ART3: variants seen among roughly 807,000 people sequenced by gnomAD.
ART3 encodes ADP-ribosyltransferase 3 (inactive).
Under a neutral mutation model 48.5 loss-of-function variants are expected in ART3, and 49 were observed. The observed-to-expected ratio is 1.01, with a 90% CI of 0.80 to 1.28. The LOEUF (loss-of-function observed/expected upper bound fraction) is 1.28, where lower values mean the gene tolerates loss of function less well. ART3 is among the 50% of genes most tolerant of loss of function. ART3 has a pLI of 0.00. For synonymous variants in ART3, 145 were observed against 157.2 expected, an observed-to-expected ratio of 0.92 and a Z score of 0.58; for missense variants, 438 against 454.3, an observed-to-expected ratio of 0.96 and a Z score of 0.33.
At chr4:76,023,396 G>A (rs377744455) in intron 1 of ART3, 1 of 1,613,850 alleles carries the variant, frequency 6.2e-7, no homozygotes, top group Non-Finnish European at 8.5e-7. Context: ...GAGTCAGAAA[G>A]ATAAGGCAGC....
At chr4:76,084,050 T>C (rs1028791480) in intron 3 of ART3, among the ~76,000 whole-genome samples, 1 of 152,160 alleles carries the variant, frequency 6.6e-6, no homozygotes, top group African/African-American at 2.4e-5. Context: ...TATGATTTTT[T>C]TGTTTGTTTC....
intron 1 of ART3, chr4:76,023,381 A>G: frequency 6.2e-7 from 1 of 1,613,248 alleles, no homozygotes; most frequent in Non-Finnish European, 8.5e-7. Flanking sequence ...CTTGAATGCC[A>G]CTTAGAGTCA....
At chr4:76,033,062 A>G (rs999477423) in intron 1 of ART3, among the ~76,000 whole-genome samples, 5 of 152,092 alleles carry the variant, frequency 3.3e-5, no homozygotes, top group Non-Finnish European at 7.4e-5. Context: ...TTATTTTTCA[A>G]ATGTATGGGT....
At position 76,078,847 on chromosome 4, in the gene ART3, G is replaced by A. The variant is rs147980616; in HGVS notation, c.69+2889G>A. ...TGTAATCCCAGCACTTTGGGAGGCC[G>A]AGAAAGGCAGATCACGAGGTCGGGA... On this transcript the variant is annotated intron_variant, in intron 2 of 11. Transcript: ENST00000355810. Among the ~76,000 whole-genome samples, 1,274 of 152,286 alleles carry A rather than the reference G, an allele frequency of 8.4e-3. 17 individuals carry two copies. Among genetic ancestry groups the A allele is most frequent in the East Asian group, 0.059 (304 of 5,174 alleles).
At chr4:76,108,926 A>C (rs2109805349) in intron 11 of ART3, among the ~76,000 whole-genome samples, 1 of 152,312 alleles carries the variant, frequency 6.6e-6, no homozygotes. Flanking sequence ...AAAATGGTAC[A>C]GGTGTATAGG....
intron 3 of ART3, among the ~76,000 whole-genome samples, chr4:76,092,326 G>C (rs542871672): frequency 3.7e-4 from 56 of 152,252 alleles, no homozygotes; most frequent in African/African-American, 1.3e-3. Context: ...TCTTTCGTCA[G>C]ATTTACCTTT....
rs953162749 is a variant in ART3, at chr4:76,090,801, A to G, written c.782-6843A>G. ...ATAAAGTAAAATTTAGTAAGTTTTG[A>G]TATATGTATATGCCAATGAAATCAT... On this transcript the variant is annotated intron_variant, in intron 3 of 11. Transcript: ENST00000355810. Among the ~76,000 whole-genome samples, 5 of 152,222 alleles carry G rather than the reference A, an allele frequency of 3.3e-5. No homozygotes were observed. In the East Asian group the frequency reaches 9.6e-4, roughly 29 times the overall value.
chr4:76,079,940 AG>A, intron 2 of ART3, among the ~76,000 whole-genome samples: 1 of 152,050 alleles, frequency 6.6e-6, no homozygotes, highest in African/African-American at 2.4e-5. Context: ...ACAGAGAGAG[AG>A]AGAGAGAGAG....
intron 1 of ART3, among the ~76,000 whole-genome samples, chr4:76,031,301 G>A (rs775286213): frequency 1.3e-5 from 2 of 151,932 alleles, no homozygotes; most frequent in African/African-American, 2.4e-5. Context: ...GTAAATGTAC[G>A]TAAAATAAAG....
intron 3 of ART3, among the ~76,000 whole-genome samples, chr4:76,090,941 A>C (rs951190218): frequency 1.2e-4 from 19 of 152,134 alleles, no homozygotes; most frequent in African/African-American, 3.9e-4. Context: ...GGCATCTACT[A>C]ATGTACTTGC....
At chr4:76,076,341 T>TTAC (rs533636397) in intron 2 of ART3, among the ~76,000 whole-genome samples, 1,824 of 152,290 alleles carry the variant, frequency 0.012, 21 homozygotes, top group South Asian at 0.021. Context: ...ACCTGAGGCA[T>TTAC]CTGTGTGGCT....
chr4:76,045,251 G>A (rs1247066264), intron 1 of ART3, among the ~76,000 whole-genome samples: 2 of 152,044 alleles, frequency 1.3e-5, no homozygotes, highest in African/African-American at 4.8e-5. Context: ...ACTATAATTT[G>A]TTGGCAGTCA....
intron 3 of ART3, among the ~76,000 whole-genome samples, chr4:76,096,053 G>C (rs1447216783): frequency 6.6e-6 from 1 of 152,074 alleles, no homozygotes; most frequent in Non-Finnish European, 1.5e-5. Context: ...CTCCCGACTA[G>C]CTGGGATTAT....
At chr4:76,094,737 AAC>A (rs1725633063) in intron 3 of ART3, among the ~76,000 whole-genome samples, 1 of 152,168 alleles carries the variant, frequency 6.6e-6, no homozygotes, top group Admixed American at 6.5e-5. Context: ...GTAGTTTTCT[AAC>A]ACATATAATC....
rs938517572 is a variant in ART3, at chr4:76,105,576, G to A, written c.1003+947G>A. ...CCTGGTAATATATTCTTTATTGGGG[G>A]TGGAGGCACCATGGATTCTAAGTCC... On this transcript the variant is annotated intron_variant, in intron 10 of 11. Transcript: ENST00000355810. 3.9e-6 allele frequency: 5 copies of A among 1,286,896 alleles called. No homozygotes were observed. In the African/African-American group the frequency reaches 4.6e-5, roughly 12 times the overall value. The allele number at this position is 1,286,896 out of a possible 1,614,324, so 79.7% of individuals were successfully genotyped here. A position where few individuals can be genotyped will look rare whatever the true frequency, so the allele number is the denominator to read the frequency against.
At chr4:76,036,835 C>A in intron 1 of ART3, 1 of 242,118 alleles carries the variant, frequency 4.1e-6, no homozygotes, top group Non-Finnish European at 8.7e-6. Flanking sequence ...GATGTTTGTC[C>A]CTACCCTTTT....
chr4:76,017,277 C>T (rs1465813569), intron 1 of ART3, among the ~76,000 whole-genome samples: 1 of 151,982 alleles, frequency 6.6e-6, no homozygotes, highest in Non-Finnish European at 1.5e-5. Context: ...AAGGGCTCTT[C>T]AGTCAGCAGG....
intron 1 of ART3, among the ~76,000 whole-genome samples, chr4:76,042,249 T>A (rs1041897054): frequency 6.6e-6 from 1 of 152,190 alleles, no homozygotes; most frequent in Non-Finnish European, 1.5e-5. Context: ...AAAAATAATT[T>A]CCAACTCACC....
At chr4:76,023,234 G>T in intron 1 of ART3, 1 of 680,180 alleles carries the variant, frequency 1.5e-6, no homozygotes, top group Non-Finnish European at 2.5e-6. Context: ...TATGATCTGA[G>T]GGAATCTCTA....
Sources: gnomAD v4.1 joint callset for allele counts (sites outside exome capture counted in the v4.1 genomes callset) on GRCh38, gnomAD v4.1.1 for gene constraint, MANE v1.5 for transcripts, NCBI Gene and HGNC (gene_info 2026-07-23, HGNC 2026-07-21) for gene names.